MAGI2: variants seen among roughly 807,000 people sequenced by gnomAD.
MAGI2 encodes membrane associated guanylate kinase, WW and PDZ domain containing 2.
In MAGI2, 35 loss-of-function variants were observed where a neutral mutation model predicts 133.3. That is an observed-to-expected ratio of 0.26 (90% confidence interval 0.20 to 0.35). The LOEUF is 0.35. MAGI2 is among the 10% of genes least tolerant of loss of function. The pLI is 1.00. For missense variants in MAGI2, 1,636 were observed against 1,863.4 expected (o/e 0.88, Z 2.25); for synonymous variants, 729 against 710.6 (o/e 1.03, Z -0.41).
At chr7:78,606,446 A>G (rs1054720896) in intron 3 of MAGI2, among the ~76,000 whole-genome samples, 7 of 152,032 alleles carry the variant, frequency 4.6e-5, no homozygotes, top group African/African-American at 7.2e-5. Context: ...GAAAAGGTGA[A>G]AGAGACTAGT....
chr7:78,299,300 G>A (rs1180225847), intron 9 of MAGI2, among the ~76,000 whole-genome samples: 5 of 152,010 alleles, frequency 3.3e-5, no homozygotes, highest in Admixed American at 3.3e-4. Context: ...AGCAGTGCTC[G>A]TTACATGAAA....
intron 12 of MAGI2, among the ~76,000 whole-genome samples, chr7:78,191,279 T>C (rs769022473): frequency 3.3e-5 from 5 of 152,152 alleles, no homozygotes; most frequent in Non-Finnish European, 5.9e-5. Flanking sequence ...ATTTTGATAA[T>C]GTAAAGGTAC....
At position 79,241,969 on chromosome 7, in the gene MAGI2, C is replaced by T. The variant is rs562392290; in HGVS notation, c.301+211051G>A. Reference sequence around the variant, plus strand: ...AATCAGCAGCACACATTCCCTAGCCCCACTGCCTGCCAACCCTAGCCTGTG... The same window carrying T: ...AATCAGCAGCACACATTCCCTAGCCTCACTGCCTGCCAACCCTAGCCTGTG... On this transcript the variant is annotated intron_variant, in intron 1 of 21. Transcript: ENST00000354212. 1.1e-4 allele frequency among the ~76,000 whole-genome samples: 16 copies of T among 152,206 alleles called. No individual in the cohort carries two copies. In the South Asian group the frequency reaches 2.7e-3, roughly 26 times the overall value.
intron 6 of MAGI2, among the ~76,000 whole-genome samples, chr7:78,439,062 G>T (rs899420587): frequency 6.6e-6 from 1 of 152,056 alleles, no homozygotes; most frequent in Non-Finnish European, 1.5e-5. Flanking sequence ...CTGCCCTCTG[G>T]ATTACCCAGT....
At position 79,453,481 on chromosome 7, in the gene MAGI2, G is replaced by A; in HGVS notation, c.-161C>T. The A allele has an allele frequency of 6.9e-7, 1 of 1,440,802 alleles. No homozygotes were observed. The highest frequency in any genetic ancestry group is 9.1e-7 in the Non-Finnish European group (1 of 1,103,716). The allele number at this position is 1,440,802 out of a possible 1,614,324, so 89.3% of individuals were successfully genotyped here. A position where few individuals can be genotyped will look rare whatever the true frequency, so the allele number is the denominator to read the frequency against. On this transcript the variant is annotated 5_prime_UTR_variant, in exon 1 of 22. Coordinates refer to ENST00000354212, the MANE Select transcript of MAGI2 (RefSeq NM_012301.4). ...GCTTTCCCTCTTCTTTGGATGGAGT[G>A]TGGACGAGGAATGGGGAGGATGAGA... is the stretch of plus-strand genomic sequence containing the variant.
At chr7:78,142,360 AAT>A (rs1822850617) in intron 16 of MAGI2, among the ~76,000 whole-genome samples, 1 of 152,102 alleles carries the variant, frequency 6.6e-6, no homozygotes, top group African/African-American at 2.4e-5. Flanking sequence ...TGTAAATGAG[AAT>A]ATGTTACAGC....
At chr7:78,066,521 A>T in intron 21 of MAGI2, among the ~76,000 whole-genome samples, 1 of 148,958 alleles carries the variant, frequency 6.7e-6, no homozygotes, top group East Asian at 1.9e-4. Flanking sequence ...GGAAGAAAAT[A>T]AAGCTGAAAA....
intron 2 of MAGI2, among the ~76,000 whole-genome samples, chr7:78,870,115 A>C (rs1423171709): frequency 6.6e-6 from 1 of 152,108 alleles, no homozygotes; most frequent in Non-Finnish European, 1.5e-5. Flanking sequence ...ATCACCAAGA[A>C]AAAAGAAATA....
intron 2 of MAGI2, among the ~76,000 whole-genome samples, chr7:78,665,429 T>C (rs1189577559): frequency 6.6e-6 from 1 of 152,066 alleles, no homozygotes; most frequent in African/African-American, 2.4e-5. Context: ...GTGCAAAGGA[T>C]GGAGAAACAA....
At chr7:78,282,171 A>G (rs1035478336) in intron 9 of MAGI2, among the ~76,000 whole-genome samples, 1 of 138,322 alleles carries the variant, frequency 7.2e-6, no homozygotes, top group Non-Finnish European at 1.5e-5. Flanking sequence ...TTTAAAAAGA[A>G]GCTTTGGAAT....
At chr7:79,322,172 A>G (rs1839231186) in intron 1 of MAGI2, among the ~76,000 whole-genome samples, 1 of 152,200 alleles carries the variant, frequency 6.6e-6, no homozygotes, top group African/African-American at 2.4e-5. Flanking sequence ...TTAGAGAACA[A>G]GGACCTTTGA....
intron 1 of MAGI2, among the ~76,000 whole-genome samples, chr7:79,397,066 T>C (rs1845112849): frequency 6.6e-6 from 1 of 151,484 alleles, no homozygotes; most frequent in African/African-American, 2.4e-5. Flanking sequence ...TATTTTGTGA[T>C]TAGAAAGGTT....
intron 6 of MAGI2, among the ~76,000 whole-genome samples, chr7:78,429,300 G>A (rs1252629632): frequency 6.6e-6 from 1 of 152,068 alleles, no homozygotes; most frequent in Non-Finnish European, 1.5e-5. Flanking sequence ...ATGCTTGACA[G>A]ATTTTTCTTT....
At chr7:79,276,658 T>C (rs1252414261) in intron 1 of MAGI2, among the ~76,000 whole-genome samples, 2 of 152,164 alleles carry the variant, frequency 1.3e-5, no homozygotes, top group East Asian at 1.9e-4. Context: ...ATTGTTGAAA[T>C]GACAATAAAT....
chr7:78,972,133 T>C (rs757019878), intron 2 of MAGI2, among the ~76,000 whole-genome samples: 5 of 151,926 alleles, frequency 3.3e-5, no homozygotes, highest in Non-Finnish European at 5.9e-5. Context: ...CTAAATAGCA[T>C]ATAATTTTCA....
chr7:78,972,625 A>G, intron 2 of MAGI2, among the ~76,000 whole-genome samples: 1 of 151,966 alleles, frequency 6.6e-6, no homozygotes, highest in Middle Eastern at 3.4e-3. Flanking sequence ...AATGATGGGT[A>G]AATAGATTAA....
At chr7:78,241,686 A>G (rs1268578733) in intron 10 of MAGI2, among the ~76,000 whole-genome samples, 2 of 152,132 alleles carry the variant, frequency 1.3e-5, no homozygotes, top group Non-Finnish European at 2.9e-5. Flanking sequence ...TAATCCCTAC[A>G]CTTTGGGAGG....
chr7:78,995,569 T>A (rs1432702472), intron 2 of MAGI2, among the ~76,000 whole-genome samples: 14 of 152,176 alleles, frequency 9.2e-5, no homozygotes, highest in Admixed American at 9.2e-4. Flanking sequence ...ATTATCCATA[T>A]GTTTTTTCAA....
chr7:78,464,926 C>T (rs1189549593), intron 6 of MAGI2, among the ~76,000 whole-genome samples: 2 of 152,012 alleles, frequency 1.3e-5, no homozygotes, highest in African/African-American at 4.8e-5. Context: ...GCTATCAACC[C>T]TCAGGAATGA....
Sources: gnomAD v4.1 joint callset for allele counts (sites outside exome capture counted in the v4.1 genomes callset) on GRCh38, gnomAD v4.1.1 for gene constraint, MANE v1.5 for transcripts, NCBI Gene and HGNC (gene_info 2026-07-23, HGNC 2026-07-21) for gene names.